The following ABLIM3 variants were observed in gnomAD, a reference collection of about 807,000 sequenced individuals.
ABLIM3 encodes actin-binding LIM protein 3.
A neutral mutation model predicts 109.5 loss-of-function variants in ABLIM3; 61 were observed. That is an observed-to-expected ratio of 0.56 (90% CI 0.45 to 0.69). ABLIM3 has a LOEUF of 0.69. ABLIM3 is among the 30% of genes least tolerant of loss of function. The pLI, the probability that ABLIM3 is intolerant of heterozygous loss-of-function variation, is 0.00. For synonymous variants in ABLIM3, 300 were observed against 324.8 expected, an observed-to-expected ratio of 0.92 and a Z score of 0.82; for missense variants, 796 against 889.5, an observed-to-expected ratio of 0.89 and a Z score of 1.34.
At chr5:149,177,596 G>C (rs905183834) in intron 2 of ABLIM3, among the ~76,000 whole-genome samples, 2 of 152,190 alleles carry the variant, frequency 1.3e-5, no homozygotes, top group Non-Finnish European at 2.9e-5. Flanking sequence ...GAGATAGGGG[G>C]AGAAAGAAGA....
intron 5 of ABLIM3, among the ~76,000 whole-genome samples, chr5:149,203,152 A>T (rs1431515767): frequency 1.3e-5 from 2 of 151,898 alleles, no homozygotes; most frequent in African/African-American, 2.4e-5. Flanking sequence ...TATCATTATC[A>T]TCACTACTAT....
chr5:149,209,348 C>A (rs772417564), intron 6 of ABLIM3, among the ~76,000 whole-genome samples: 22 of 152,198 alleles, frequency 1.4e-4, no homozygotes, highest in Non-Finnish European at 2.2e-4. Flanking sequence ...GGCACTGGCT[C>A]AGGCATCAGA....
chr5:149,257,411 A>G (rs1050425482), intron 23 of ABLIM3, among the ~76,000 whole-genome samples: 2 of 152,060 alleles, frequency 1.3e-5, no homozygotes, highest in Non-Finnish European at 2.9e-5. Context: ...TGTAATTGCT[A>G]CCAACAAGCC....
Position 149,207,138 on chromosome 5 carries a change from G to A in ABLIM3, c.575+4G>A, listed in dbSNP as rs753504994. 25 of 1,612,344 alleles carry A rather than the reference G, an allele frequency of 1.6e-5. No homozygotes were observed. The African/African-American group carries it at 2.1e-4, about 14-fold the overall frequency. ...TCACCGGGGAGTATATCAGCAAGTG[G>A]GTCCCCCTGCTCCTGCCCCAGCTGC... On this transcript the variant is annotated splice_donor_region_variant and intron_variant, in intron 6 of 23. Transcript: ENST00000309868.
intron 8 of ABLIM3, among the ~76,000 whole-genome samples, chr5:149,221,984 T>C (rs1410666988): frequency 6.6e-6 from 1 of 152,172 alleles, no homozygotes; most frequent in Non-Finnish European, 1.5e-5. Flanking sequence ...TTCGCTGTTA[T>C]CATTTGTATA....
intron 9 of ABLIM3, 93 bp from the exon 10 acceptor site, chr5:149,233,136 T>G: frequency 9.7e-7 from 1 of 1,031,196 alleles, no homozygotes; most frequent in Non-Finnish European, 1.5e-6. Context: ...TTTAATGGTA[T>G]TGCTAATGTT....
At chr5:149,179,922 T>C (rs1412985166) in intron 2 of ABLIM3, among the ~76,000 whole-genome samples, 1 of 152,254 alleles carries the variant, frequency 6.6e-6, no homozygotes, top group Non-Finnish European at 1.5e-5. Context: ...TTCTAGTGGA[T>C]AGCACTAAGG....
chr5:149,167,121 A>C (rs1184501279), intron 2 of ABLIM3, among the ~76,000 whole-genome samples: 1 of 152,174 alleles, frequency 6.6e-6, no homozygotes, highest in East Asian at 1.9e-4. Context: ...ACAGCTTTTG[A>C]AGATGTTCCA....
At chr5:149,230,592 G>A in intron 8 of ABLIM3, 57 bp from the exon 9 acceptor site, 1 of 1,570,540 alleles carries the variant, frequency 6.4e-7, no homozygotes, top group Non-Finnish European at 8.8e-7. Flanking sequence ...TGGGACATGG[G>A]GAGAGTGCTG....
intron 2 of ABLIM3, among the ~76,000 whole-genome samples, chr5:149,149,531 G>A (rs1753236739): frequency 1.3e-5 from 2 of 152,154 alleles, no homozygotes; most frequent in African/African-American, 2.4e-5. Flanking sequence ...TATTAACCTG[G>A]CATTGTATAT....
chr5:149,183,611 C>T, intron 3 of ABLIM3, 22 bp downstream of exon 3: 1 of 1,506,268 alleles, frequency 6.6e-7, no homozygotes, highest in East Asian at 2.5e-5. Context: ...AGCTCCCCCA[C>T]TCTCTTCTTA....
rs114365132 is a variant in ABLIM3 at position 149,215,384 on chromosome 5, G to A, written c.670-1575G>A. Among the ~76,000 whole-genome samples, 449 of 151,994 alleles carry A rather than the reference G, an allele frequency of 3.0e-3. 4 individuals carry two copies. Among genetic ancestry groups the A allele is most frequent in the African/African-American group, 0.01 (434 of 41,452 alleles). Reference sequence around the variant, plus strand: ...TTGGTGCGAGGCCATATAAACAAACGGGGGGAAAAAGGAATATTGGAGATT... The same window carrying A: ...TTGGTGCGAGGCCATATAAACAAACAGGGGGAAAAAGGAATATTGGAGATT... On this transcript the variant is annotated intron_variant, in intron 7 of 23. Transcript: ENST00000309868.
chr5:149,173,747 C>T (rs1252682081), intron 2 of ABLIM3, among the ~76,000 whole-genome samples: 2 of 152,110 alleles, frequency 1.3e-5, no homozygotes, highest in Non-Finnish European at 2.9e-5. Context: ...AACCGCCGGG[C>T]GCGGTGGCTC....
intron 2 of ABLIM3, among the ~76,000 whole-genome samples, chr5:149,175,335 G>T (rs1755827804): frequency 6.6e-6 from 1 of 152,162 alleles, no homozygotes; most frequent in Admixed American, 6.5e-5. Context: ...GGACAAAATG[G>T]GTGGCTTCCT....
chr5:149,240,782 C>G lies in ABLIM3; in HGVS notation c.1303+8C>G. 1 of 1,613,196 alleles carries G rather than the reference C, an allele frequency of 6.2e-7. No individual in the cohort carries two copies. Among genetic ancestry groups the G allele is most frequent in the South Asian group, 1.1e-5 (1 of 91,062 alleles). ...AGCACTTTCACATCCCAGGTAGGCA[C>G]TGCCAGCCCAGAATTCCTGGGATGG... is the stretch of plus-strand genomic sequence containing the variant. On this transcript the variant is annotated splice_region_variant and intron_variant, in intron 14 of 23. Coordinates refer to ENST00000309868, the MANE Select transcript of ABLIM3 (RefSeq NM_014945.5).
chr5:149,248,832 T>C (rs1753653579), intron 18 of ABLIM3, among the ~76,000 whole-genome samples: 1 of 149,758 alleles, frequency 6.7e-6, no homozygotes, highest in African/African-American at 2.5e-5. Flanking sequence ...TTCTTGAAAA[T>C]CTCATTGCAA....
intron 2 of ABLIM3, among the ~76,000 whole-genome samples, chr5:149,166,600 C>T (rs2127454327): frequency 6.6e-6 from 1 of 152,294 alleles, no homozygotes; most frequent in South Asian, 2.1e-4. Flanking sequence ...TATGTTCTTT[C>T]CCACCTTTCT....
At chr5:149,202,406 C>T (rs184074321) in intron 5 of ABLIM3, among the ~76,000 whole-genome samples, 2 of 152,210 alleles carry the variant, frequency 1.3e-5, no homozygotes, top group Admixed American at 6.5e-5. Flanking sequence ...GACATCAATC[C>T]GTGATTGATC....
intron 10 of ABLIM3, among the ~76,000 whole-genome samples, chr5:149,235,390 T>G (rs1472328127): frequency 6.6e-6 from 1 of 152,218 alleles, no homozygotes; most frequent in Non-Finnish European, 1.5e-5. Context: ...TTTCAAACTT[T>G]ACTCCATCTC....
Sources: allele counts gnomAD v4.1 joint callset (sites outside exome capture counted in the v4.1 genomes callset), GRCh38; gene constraint gnomAD v4.1.1; transcripts MANE v1.5; gene names NCBI Gene and HGNC (gene_info 2026-07-23, HGNC 2026-07-21).